CCSER1: variants seen among roughly 807,000 people sequenced by gnomAD.
The protein encoded by CCSER1 is serine-rich coiled-coil domain-containing protein 1.
A neutral mutation model predicts 82.0 loss-of-function variants in CCSER1; 41 were observed. The ratio of observed to expected loss-of-function variants is 0.50; its 90% CI spans 0.39 to 0.65. The LOEUF (loss-of-function observed/expected upper bound fraction) is 0.65. CCSER1 is among the 30% of genes least tolerant of loss of function. The pLI, the probability that CCSER1 is intolerant of heterozygous loss-of-function variation, is 0.00. For missense variants in CCSER1, 1,119 were observed against 1,064.2 expected, an observed-to-expected ratio of 1.05 and a Z score of -0.72; for synonymous variants, 414 against 383.9, an observed-to-expected ratio of 1.08 and a Z score of -0.92.
chr4:91,494,379 G>T (rs1342251427), intron 10 of CCSER1, among the ~76,000 whole-genome samples: 1 of 151,738 alleles, frequency 6.6e-6, no homozygotes, highest in East Asian at 1.9e-4. Context: ...TTCAAATACG[G>T]TTCATAATGA....
chr4:90,566,278 T>G (rs929572231), intron 5 of CCSER1, among the ~76,000 whole-genome samples: 2 of 152,156 alleles, frequency 1.3e-5, no homozygotes, highest in African/African-American at 4.8e-5. Flanking sequence ...TTTGCCTGGC[T>G]TTGGTATTAG....
At chr4:91,348,283 A>G (rs536653748) in intron 10 of CCSER1, among the ~76,000 whole-genome samples, 1 of 152,236 alleles carries the variant, frequency 6.6e-6, no homozygotes, top group Admixed American at 6.5e-5. Flanking sequence ...GATTATAGTA[A>G]TTGATTTTTG....
intron 9 of CCSER1, among the ~76,000 whole-genome samples, chr4:91,071,997 A>G (rs1187592866): frequency 6.6e-6 from 1 of 152,188 alleles, no homozygotes; most frequent in African/African-American, 2.4e-5. Context: ...TTAGTCTCAT[A>G]TCTGAACTGG....
intron 1 of CCSER1, among the ~76,000 whole-genome samples, chr4:90,145,412 T>G (rs1725618451): frequency 6.6e-6 from 1 of 152,196 alleles, no homozygotes; most frequent in Non-Finnish European, 1.5e-5. Context: ...CATATGTTGC[T>G]GCCTTTAAAA....
chr4:90,325,636 C>A (rs922288534), intron 3 of CCSER1: 1 of 449,704 alleles, frequency 2.2e-6, no homozygotes, highest in Admixed American at 2.4e-5. Context: ...AGATGCTTCA[C>A]AATTTGCAGC....
At chr4:90,907,846 A>G (rs1268323311) in intron 8 of CCSER1, among the ~76,000 whole-genome samples, 1 of 152,094 alleles carries the variant, frequency 6.6e-6, no homozygotes, top group African/African-American at 2.4e-5. Context: ...TTAAATTTAT[A>G]TATGATACAA....
At chr4:90,600,170 A>G (rs1783863640) in intron 5 of CCSER1, among the ~76,000 whole-genome samples, 1 of 152,190 alleles carries the variant, frequency 6.6e-6, no homozygotes, top group Admixed American at 6.5e-5. Context: ...GGCTTCTATG[A>G]ACATGAGTGT....
chr4:91,032,573 T>C (rs572090004), intron 9 of CCSER1, among the ~76,000 whole-genome samples: 2 of 152,188 alleles, frequency 1.3e-5, no homozygotes, highest in Non-Finnish European at 2.9e-5. Context: ...AGGATTTTGA[T>C]AGATAGGAAG....
At chr4:90,374,950 T>G (rs1561122596) in intron 3 of CCSER1, among the ~76,000 whole-genome samples, 1 of 152,176 alleles carries the variant, frequency 6.6e-6, no homozygotes, top group Non-Finnish European at 1.5e-5. Flanking sequence ...TTATCTGTTG[T>G]TTTTGAGCTT....
chr4:91,183,938 T>C (rs527869144), intron 10 of CCSER1, among the ~76,000 whole-genome samples: 1 of 152,234 alleles, frequency 6.6e-6, no homozygotes, highest in Non-Finnish European at 1.5e-5. Flanking sequence ...TGTCCCCTAC[T>C]AATTTTTGAA....
At chr4:91,462,884 C>G (rs188759417) in intron 10 of CCSER1, among the ~76,000 whole-genome samples, 2 of 152,100 alleles carry the variant, frequency 1.3e-5, no homozygotes, top group Non-Finnish European at 1.5e-5. Flanking sequence ...GTAGAGCCCA[C>G]CTCTGCTCAA....
intron 4 of CCSER1, among the ~76,000 whole-genome samples, chr4:90,433,162 A>T (rs762703485): frequency 6.6e-6 from 1 of 152,158 alleles, no homozygotes; most frequent in Non-Finnish European, 1.5e-5. Flanking sequence ...CCTCTGAAAC[A>T]TGTCCCAAAC....
chr4:90,720,477 G>T (rs1166825240), intron 6 of CCSER1, among the ~76,000 whole-genome samples: 1 of 151,786 alleles, frequency 6.6e-6, no homozygotes, highest in African/African-American at 2.4e-5. Context: ...CCTAACTTAT[G>T]AATCAGTTAA....
At chr4:90,317,735 G>T (rs182152246) in intron 3 of CCSER1, among the ~76,000 whole-genome samples, 89 of 152,296 alleles carry the variant, frequency 5.8e-4, no homozygotes, top group African/African-American at 2.0e-3. Flanking sequence ...AGGCATTGGG[G>T]TTCTGTTCAA....
At chr4:90,593,993 A>C (rs1783011643) in intron 5 of CCSER1, among the ~76,000 whole-genome samples, 1 of 151,988 alleles carries the variant, frequency 6.6e-6, no homozygotes, top group Admixed American at 6.6e-5. Flanking sequence ...TTAAATATAT[A>C]TGCAGGCCCA....
intron 5 of CCSER1, among the ~76,000 whole-genome samples, chr4:90,590,779 G>A (rs1276225685): frequency 6.6e-6 from 1 of 151,994 alleles, no homozygotes. Context: ...TTGGTTATAT[G>A]GGCTCCATTT....
intron 7 of CCSER1, among the ~76,000 whole-genome samples, chr4:90,778,303 C>T (rs776069175): frequency 6.6e-6 from 1 of 152,022 alleles, no homozygotes; most frequent in Non-Finnish European, 1.5e-5. Flanking sequence ...TAAACTCTAT[C>T]CTTGTATTCA....
chr4:91,167,560 A>G (rs908684942), intron 10 of CCSER1, among the ~76,000 whole-genome samples: 14 of 152,144 alleles, frequency 9.2e-5, no homozygotes, highest in African/African-American at 2.9e-4. Flanking sequence ...GTAATATACA[A>G]CTTACTTTAT....
chr4:90,372,527 A>T (rs567942632), intron 3 of CCSER1, among the ~76,000 whole-genome samples: 27 of 152,228 alleles, frequency 1.8e-4, no homozygotes, highest in African/African-American at 6.0e-4. Flanking sequence ...AGGCAGGCAG[A>T]TCACTTGAGG....
Sources: gnomAD v4.1 joint callset for allele counts (sites outside exome capture counted in the v4.1 genomes callset) on GRCh38, gnomAD v4.1.1 for gene constraint, MANE v1.5 for transcripts, NCBI Gene and HGNC (gene_info 2026-07-23, HGNC 2026-07-21) for gene names.